Variants in ZFAT observed in about 807,000 individuals in gnomAD.
ZFAT encodes the protein zinc finger protein ZFAT.
Under a neutral mutation model 117.7 loss-of-function variants are expected in ZFAT, and 64 were observed. That is an observed-to-expected ratio of 0.54 (90% confidence interval 0.44 to 0.67). ZFAT has a LOEUF of 0.67. ZFAT is among the 30% of genes least tolerant of loss of function. The pLI is 0.00. For missense variants in ZFAT, 1,433 were observed against 1,584.5 expected (o/e 0.90, Z 1.62); for synonymous variants, 679 against 615.0 (o/e 1.10, Z -1.54).
At chr8:134,625,811 G>A (rs1015708773) in intron 3 of ZFAT, among the ~76,000 whole-genome samples, 5 of 141,002 alleles carry the variant, frequency 3.5e-5, no homozygotes, top group African/African-American at 8.4e-5. Flanking sequence ...CGTGAGCCAC[G>A]TGTTCAGTAC....
At chr8:134,750,347 T>A in the ZFAT span, among the ~76,000 whole-genome samples, 3 of 129,862 alleles carry the variant, frequency 2.3e-5, no homozygotes, top group African/African-American at 8.8e-5. Context: ...TCAGTAATAG[T>A]TTAGCTGTAG....
intron 8 of ZFAT, 85 bp downstream of exon 8, chr8:134,590,183 T>C (rs1196370591): frequency 5.1e-6 from 5 of 988,460 alleles, no homozygotes; most frequent in Non-Finnish European, 7.7e-6. Flanking sequence ...TATTTCTATA[T>C]AGTGCAGTTA....
the ZFAT span, among the ~76,000 whole-genome samples, chr8:134,831,867 C>T: frequency 6.6e-6 from 1 of 152,044 alleles, no homozygotes; most frequent in African/African-American, 2.4e-5. Context: ...CCACGACGCC[C>T]CCCAGAGGCC....
At position 134,600,604 on chromosome 8, in the gene ZFAT, C is replaced by T. The variant is rs1827343641; in HGVS notation, c.2307G>A (p.Leu769=). Residue 769 remains leucine, a synonymous_variant, in exon 7 of 16, where the codon CTG becomes CTA. Coordinates refer to ENST00000377838, the MANE Select transcript of ZFAT (RefSeq NM_020863.4). The part of the protein sequence containing the change: ...MHVRTHTREH[L]YYCSQCHYSS... Reference sequence around the variant, plus strand: ...AATAATGACACTGAGAGCAATAATACAGATGTTCCCGGGTGTGGGTGCGGA... The same window carrying T: ...AATAATGACACTGAGAGCAATAATATAGATGTTCCCGGGTGTGGGTGCGGA... 1 of 1,613,828 alleles carries T rather than the reference C, an allele frequency of 6.2e-7. No homozygotes were observed. Among genetic ancestry groups the T allele is most frequent in the Non-Finnish European group, 8.5e-7 (1 of 1,179,994 alleles).
At chr8:134,561,023 A>G (rs1824009225) in intron 11 of ZFAT, among the ~76,000 whole-genome samples, 1 of 152,242 alleles carries the variant, frequency 6.6e-6, no homozygotes, top group African/African-American at 2.4e-5. Flanking sequence ...TAACATCTTT[A>G]CTATTTGTGA....
At chr8:134,642,578 G>C (rs1830645641) in intron 2 of ZFAT, among the ~76,000 whole-genome samples, 1 of 152,128 alleles carries the variant, frequency 6.6e-6, no homozygotes, top group Admixed American at 6.5e-5. Context: ...GTGATTTCTT[G>C]ATGTACATGC....
At chr8:134,539,728 C>G (rs188705316) in intron 11 of ZFAT, among the ~76,000 whole-genome samples, 34 of 150,092 alleles carry the variant, frequency 2.3e-4, no homozygotes, top group Admixed American at 1.8e-3. Flanking sequence ...TTATACACTG[C>G]TGATAGAAGT....
At chr8:134,808,112 G>A in the ZFAT span, among the ~76,000 whole-genome samples, 2 of 152,344 alleles carry the variant, frequency 1.3e-5, no homozygotes, top group Non-Finnish European at 2.9e-5. Context: ...TTGGAGAAAC[G>A]ATTTCGCTAA....
chr8:134,704,179 C>A (rs1201426635), intron 1 of ZFAT, among the ~76,000 whole-genome samples: 1 of 152,204 alleles, frequency 6.6e-6, no homozygotes, highest in Non-Finnish European at 1.5e-5. Flanking sequence ...GGGGCTCTCT[C>A]CCCGAGGAAG....
chr8:134,810,937 G>C, the ZFAT span, among the ~76,000 whole-genome samples: 1 of 152,006 alleles, frequency 6.6e-6, no homozygotes, highest in Admixed American at 6.6e-5. Flanking sequence ...ACTAACATGG[G>C]GGGGAAATCA....
At chr8:134,515,758 A>T (rs923237426) in intron 13 of ZFAT, among the ~76,000 whole-genome samples, 15 of 152,120 alleles carry the variant, frequency 9.9e-5, no homozygotes, top group Admixed American at 8.5e-4. Flanking sequence ...CTGTAGGTTG[A>T]ATCATGGCCA....
At chr8:134,828,497 C>T in the ZFAT span, among the ~76,000 whole-genome samples, 8 of 152,162 alleles carry the variant, frequency 5.3e-5, no homozygotes, top group Non-Finnish European at 8.8e-5. Flanking sequence ...TAAAATTTCT[C>T]GAAAACTAGG....
intron 1 of ZFAT, among the ~76,000 whole-genome samples, chr8:134,689,478 G>T (rs1423601269): frequency 2.6e-5 from 4 of 152,226 alleles, no homozygotes. Flanking sequence ...ATTCCTGCCA[G>T]ACAAAACCCA....
chr8:134,712,798 G>T, intron 1 of ZFAT, 47 bp downstream of exon 1: 1 of 1,347,252 alleles, frequency 7.4e-7, no homozygotes, highest in Non-Finnish European at 1.0e-6. Context: ...GCGCCGCGCC[G>T]CGCCCCACCC....
chr8:134,681,066 T>A (rs1197324885), intron 1 of ZFAT, among the ~76,000 whole-genome samples: 2 of 152,218 alleles, frequency 1.3e-5, no homozygotes, highest in Admixed American at 6.5e-5. Flanking sequence ...ATGAGCCCAG[T>A]CAGTCCCAAC....
At chr8:134,755,564 C>T in the ZFAT span, among the ~76,000 whole-genome samples, 1 of 151,960 alleles carries the variant, frequency 6.6e-6, no homozygotes, top group African/African-American at 2.4e-5. Flanking sequence ...GTAATCCCCG[C>T]ACTGTGGGAG....
intron 2 of ZFAT, among the ~76,000 whole-genome samples, chr8:134,652,957 G>T (rs902713410): frequency 4.6e-5 from 7 of 151,964 alleles, no homozygotes; most frequent in African/African-American, 1.7e-4. Flanking sequence ...TGATATTCAT[G>T]ACAACATTTA....
chr8:134,720,889 C>T, the ZFAT span, among the ~76,000 whole-genome samples: 1 of 152,178 alleles, frequency 6.6e-6, no homozygotes, highest in African/African-American at 2.4e-5. Flanking sequence ...TAGAGTTTTC[C>T]ATGCCCTTCA....
In ZFAT at chr8:134,637,636, T is replaced by C. The variant is rs1429260008; in HGVS notation, c.273A>G (p.Ala91=). 2 of 1,614,228 alleles carry C rather than the reference T, an allele frequency of 1.2e-6. No homozygotes were observed. Among genetic ancestry groups the C allele is most frequent in the East Asian group, 2.2e-5 (1 of 44,888 alleles). The change falls in exon 3 of 16, where the codon GCA becomes GCG. Residue 91 remains alanine (A), a synonymous_variant. Coordinates refer to ENST00000377838, the MANE Select transcript of ZFAT (RefSeq NM_020863.4). ...TKKSSTEEEL[A]ENIVSPTEDS... ...CCTCAGTCGGACTCACGATGTTTTC[T>C]GCCAGCTCCTCTTCTGTGCTGGACT...
Sources: allele counts gnomAD v4.1 joint callset (sites outside exome capture counted in the v4.1 genomes callset), GRCh38; gene constraint gnomAD v4.1.1; transcripts MANE v1.5; gene names NCBI Gene and HGNC (gene_info 2026-07-23, HGNC 2026-07-21).